The following LONP2 variants were observed in gnomAD, a reference collection of about 807,000 sequenced individuals.
The protein encoded by LONP2 is lon peptidase 2, peroxisomal.
Under a neutral mutation model 85.6 loss-of-function variants are expected in LONP2, and 60 were observed. The ratio of observed to expected loss-of-function variants is 0.70; its 90% CI spans 0.57 to 0.87. The LOEUF (loss-of-function observed/expected upper bound fraction) is 0.87, where lower values mean the gene tolerates loss of function less well. Ranked by LOEUF, LONP2 falls within the 40% of genes least tolerant of loss-of-function variation. The probability of loss-of-function intolerance (pLI) is 0.00; values close to 1 mark genes in which losing one functional copy is unlikely to be tolerated. For missense variants in LONP2, 860 were observed against 1,063.5 expected (o/e 0.81, Z 2.66); for synonymous variants, 395 against 389.7 (o/e 1.01, Z -0.16).
chr16:48,246,334 C>T (rs74016326), intron 1 of LONP2, among the ~76,000 whole-genome samples: 1,870 of 152,280 alleles, frequency 0.012, 40 homozygotes, highest in African/African-American at 0.042. Flanking sequence ...TCCCAACATA[C>T]GACTCTGCTC....
chr16:48,294,219 G>A (rs968163880), intron 8 of LONP2, among the ~76,000 whole-genome samples: 3 of 152,096 alleles, frequency 2.0e-5, no homozygotes, highest in Admixed American at 6.5e-5. Flanking sequence ...TGGATTACAG[G>A]TGTGAGCCAC....
intron 6 of LONP2, among the ~76,000 whole-genome samples, chr16:48,263,103 A>G (rs182453043): frequency 1.1e-4 from 17 of 152,340 alleles, no homozygotes; most frequent in East Asian, 3.9e-4. Context: ...AACCATCACA[A>G]TCTTCATAGC....
chr16:48,252,976 A>T (rs1484026313), intron 2 of LONP2, among the ~76,000 whole-genome samples: 6 of 152,200 alleles, frequency 3.9e-5, no homozygotes, highest in African/African-American at 1.4e-4. Flanking sequence ...TATAAAGTAT[A>T]GTCTTCTACT....
chr16:48,278,804 G>C (rs112276453), intron 8 of LONP2, among the ~76,000 whole-genome samples: 44 of 152,036 alleles, frequency 2.9e-4, no homozygotes, highest in African/African-American at 9.4e-4. Context: ...CTGTTCTTTG[G>C]TTCTAAAATT....
intron 11 of LONP2, among the ~76,000 whole-genome samples, chr16:48,330,742 T>G (rs1959412909): frequency 6.6e-6 from 1 of 152,224 alleles, no homozygotes; most frequent in African/African-American, 2.4e-5. Context: ...TTTTCTTGAC[T>G]GGAGCCTTAG....
chr16:48,325,760 G>A (rs531929558), intron 11 of LONP2, among the ~76,000 whole-genome samples: 3 of 152,234 alleles, frequency 2.0e-5, no homozygotes, highest in East Asian at 1.9e-4. Flanking sequence ...CATTTCCTTT[G>A]GATAAATGCC....
chr16:48,350,928 C>A (rs1304104353), intron 14 of LONP2, among the ~76,000 whole-genome samples: 1 of 152,170 alleles, frequency 6.6e-6, no homozygotes, highest in Non-Finnish European at 1.5e-5. Context: ...TGACTGGCCA[C>A]CTCCAGGGCA....
At chr16:48,249,411 C>T (rs556451545) in intron 1 of LONP2, among the ~76,000 whole-genome samples, 1 of 152,226 alleles carries the variant, frequency 6.6e-6, no homozygotes, top group South Asian at 2.1e-4. Flanking sequence ...TTTTGTATAT[C>T]ATAGAAGGAA....
At chr16:48,253,847 G>A (rs1255761877) in intron 2 of LONP2, among the ~76,000 whole-genome samples, 4 of 151,838 alleles carry the variant, frequency 2.6e-5, no homozygotes, top group Middle Eastern at 3.2e-3. Flanking sequence ...TCGTCTTCTG[G>A]GCTCAGTTCA....
intron 11 of LONP2, among the ~76,000 whole-genome samples, chr16:48,313,476 C>T (rs1422239727): frequency 6.6e-6 from 1 of 152,096 alleles, no homozygotes. Flanking sequence ...GCTCTCCCTC[C>T]CCTCACTCCC....
intron 11 of LONP2, among the ~76,000 whole-genome samples, chr16:48,328,155 G>A (rs1170210657): frequency 6.6e-6 from 1 of 152,186 alleles, no homozygotes; most frequent in Non-Finnish European, 1.5e-5. Context: ...GCTCACTCCT[G>A]TAATCCCAAC....
chr16:48,326,341 A>G (rs1322610126), intron 11 of LONP2, among the ~76,000 whole-genome samples: 1 of 152,068 alleles, frequency 6.6e-6, no homozygotes, highest in African/African-American at 2.4e-5. Flanking sequence ...TCCATCCCTA[A>G]CCCACAGGCA....
downstream of LONP2, among the ~76,000 whole-genome samples, chr16:48,359,173 A>G (rs1960482928): frequency 6.6e-6 from 1 of 152,000 alleles, no homozygotes; most frequent in African/African-American, 2.4e-5. Flanking sequence ...GGGTTTCACC[A>G]TGTTGGTCTC....
chr16:48,271,417 C>T (rs1972103090), intron 7 of LONP2, among the ~76,000 whole-genome samples: 1 of 152,182 alleles, frequency 6.6e-6, no homozygotes, highest in Non-Finnish European at 1.5e-5. Flanking sequence ...GAACCATGAA[C>T]TGCTTATAAA....
At chr16:48,275,870 T>C (rs530205533) in intron 7 of LONP2, among the ~76,000 whole-genome samples, 1 of 152,206 alleles carries the variant, frequency 6.6e-6, no homozygotes, top group African/African-American at 2.4e-5. Context: ...AGGATTCCAA[T>C]TTTTTTAGAA....
chr16:48,272,942 G>A (rs1050638553), intron 7 of LONP2, among the ~76,000 whole-genome samples: 1 of 152,162 alleles, frequency 6.6e-6, no homozygotes, highest in African/African-American at 2.4e-5. Context: ...AGGTGAATAG[G>A]AGGAGGAGAG....
intron 1 of LONP2, among the ~76,000 whole-genome samples, chr16:48,246,726 C>T (rs1463259238): frequency 6.6e-6 from 1 of 152,104 alleles, no homozygotes; most frequent in Non-Finnish European, 1.5e-5. Flanking sequence ...AGGCGTGCAC[C>T]ACTACACCCA....
chr16:48,305,436 G>C (rs1252977281), intron 11 of LONP2, among the ~76,000 whole-genome samples: 2 of 152,058 alleles, frequency 1.3e-5, no homozygotes, highest in African/African-American at 2.4e-5. Flanking sequence ...TGTATTTTTA[G>C]TAGAGACAGG....
At chr16:48,288,152 T>TC (rs1477853227) in intron 8 of LONP2, among the ~76,000 whole-genome samples, 3 of 127,138 alleles carry the variant, frequency 2.4e-5, no homozygotes, top group African/African-American at 7.9e-5. Flanking sequence ...GTCTTCTTCT[T>TC]TTTTTTTTTT....
Sources: gnomAD v4.1 joint callset for allele counts (sites outside exome capture counted in the v4.1 genomes callset) on GRCh38, gnomAD v4.1.1 for gene constraint, MANE v1.5 for transcripts, NCBI Gene and HGNC (gene_info 2026-07-23, HGNC 2026-07-21) for gene names.